The following KCND2 variants were observed in gnomAD, a reference collection of about 807,000 sequenced individuals.
KCND2 encodes the protein A-type voltage-gated potassium channel KCND2.
A neutral mutation model predicts 54.4 loss-of-function variants in KCND2; 16 were observed. That is an observed-to-expected ratio of 0.29 (90% CI 0.20 to 0.45). The LOEUF is 0.45. Ranked by LOEUF, KCND2 falls within the 20% of genes least tolerant of loss-of-function variation. KCND2 has a pLI of 1.00. For missense variants in KCND2, 486 were observed against 824.2 expected (o/e 0.59, Z 5.02); for synonymous variants, 317 against 310.7 (o/e 1.02, Z -0.21).
At chr7:120,708,011 A>G (rs1249443613) in intron 1 of KCND2, among the ~76,000 whole-genome samples, 1 of 152,106 alleles carries the variant, frequency 6.6e-6, no homozygotes, top group Admixed American at 6.6e-5. Flanking sequence ...TAAAAAAGGT[A>G]AAAAAGCTTC....
chr7:120,282,789 A>G, intron 1 of KCND2, among the ~76,000 whole-genome samples: 1 of 152,164 alleles, frequency 6.6e-6, no homozygotes. Flanking sequence ...TAACACCAGT[A>G]ACATACACTC....
Position 120,674,242 on chromosome 7 carries a change from A to G in KCND2, c.1116-58661A>G, listed in dbSNP as rs531780584. ...TCATTCTTCTCCTACAAAAGTAAAC[A>G]CAGATGACATTTGTGGATAGTCTTA... is the stretch of plus-strand genomic sequence containing the variant. On this transcript the variant is annotated intron_variant, in intron 1 of 5. Transcript: ENST00000331113. Among the ~76,000 whole-genome samples, 3 of 152,160 alleles carry G rather than the reference A, an allele frequency of 2.0e-5. No individual in the cohort carries two copies. The South Asian group carries it at 6.2e-4, about 32-fold the overall frequency.
intron 1 of KCND2, among the ~76,000 whole-genome samples, chr7:120,555,948 T>C (rs549279525): frequency 6.6e-6 from 1 of 152,326 alleles, no homozygotes; most frequent in Admixed American, 6.5e-5. Context: ...TATTTAAAAA[T>C]TATAATTTTC....
chr7:120,349,749 A>G (rs1800375427), intron 1 of KCND2, among the ~76,000 whole-genome samples: 1 of 152,164 alleles, frequency 6.6e-6, no homozygotes, highest in African/African-American at 2.4e-5. Context: ...CAAAATGTAA[A>G]AGGACTCTGG....
intron 1 of KCND2, among the ~76,000 whole-genome samples, chr7:120,449,479 A>G (rs1802071401): frequency 1.3e-5 from 2 of 152,228 alleles, no homozygotes; most frequent in Non-Finnish European, 2.9e-5. Context: ...TGTAAGACAG[A>G]GTAATCTGTT....
intron 5 of KCND2, among the ~76,000 whole-genome samples, 189 bp downstream of exon 5, chr7:120,746,216 GT>G (rs1352841420): frequency 6.6e-6 from 1 of 152,106 alleles, no homozygotes; most frequent in Non-Finnish European, 1.5e-5. Flanking sequence ...AAAAATAGTG[GT>G]TATATCAGTA....
chr7:120,585,506 C>T (rs1215451870), intron 1 of KCND2, among the ~76,000 whole-genome samples: 1 of 152,040 alleles, frequency 6.6e-6, no homozygotes, highest in African/African-American at 2.4e-5. Flanking sequence ...ACATATGGTG[C>T]TTGGACATAG....
At chr7:120,649,142 A>G (rs1445831548) in intron 1 of KCND2, among the ~76,000 whole-genome samples, 5 of 152,150 alleles carry the variant, frequency 3.3e-5, no homozygotes, top group Admixed American at 3.3e-4. Flanking sequence ...TTATTGGCAG[A>G]ATTTCAGACT....
chr7:120,273,478 G>C lies in KCND2; in HGVS notation c.-1155G>C, dbSNP rs1383863383. Among the ~76,000 whole-genome samples, 9 of 150,472 alleles carry C rather than the reference G, an allele frequency of 6.0e-5. No homozygotes were observed. The highest frequency in any genetic ancestry group is 6.0e-4 in the Admixed American group (9 of 15,114). ...GCCAGGCTCCCGCGACAGTGGCCCC[G>C]CAGTAAGTTGGCAGGAGCGAGTCCC... On this transcript the variant is annotated 5_prime_UTR_variant, in exon 1 of 6. Transcript: ENST00000331113.
At chr7:120,568,571 GA>G (rs1394745507) in intron 1 of KCND2, among the ~76,000 whole-genome samples, 98 of 152,262 alleles carry the variant, frequency 6.4e-4, no homozygotes, top group Non-Finnish European at 2.1e-4. Context: ...TCCAGCCATG[GA>G]AATATTGCTT....
intron 1 of KCND2, among the ~76,000 whole-genome samples, chr7:120,617,872 A>G (rs1793048039): frequency 6.6e-6 from 1 of 152,218 alleles, no homozygotes; most frequent in Admixed American, 6.5e-5. Context: ...AGCAACGTGG[A>G]TGCAGCTGGA....
At chr7:120,482,623 G>T (rs1043257235) in intron 1 of KCND2, among the ~76,000 whole-genome samples, 4 of 152,062 alleles carry the variant, frequency 2.6e-5, no homozygotes, top group African/African-American at 9.7e-5. Flanking sequence ...TATCTTGGGA[G>T]TGGGCCCCTC....
At chr7:120,449,599 C>A (rs1001474731) in intron 1 of KCND2, among the ~76,000 whole-genome samples, 1 of 152,098 alleles carries the variant, frequency 6.6e-6, no homozygotes, top group African/African-American at 2.4e-5. Context: ...AGTTTAATTT[C>A]ATTGTGGTAA....
At chr7:120,452,484 C>A (rs1300635941) in intron 1 of KCND2, among the ~76,000 whole-genome samples, 2 of 152,054 alleles carry the variant, frequency 1.3e-5, no homozygotes, top group Non-Finnish European at 2.9e-5. Flanking sequence ...TGGGAGTGGA[C>A]AGAGGGAGGA....
At chr7:120,702,182 A>G (rs1792410873) in intron 1 of KCND2, among the ~76,000 whole-genome samples, 1 of 152,224 alleles carries the variant, frequency 6.6e-6, no homozygotes. Context: ...CAACAAGCAT[A>G]TAAGAAAAAC....
At chr7:120,534,976 C>T (rs1428210936) in intron 1 of KCND2, among the ~76,000 whole-genome samples, 1 of 152,104 alleles carries the variant, frequency 6.6e-6, no homozygotes, top group East Asian at 1.9e-4. Context: ...ATCACTCCAG[C>T]AAAATTGTTT....
intron 1 of KCND2, among the ~76,000 whole-genome samples, chr7:120,351,408 A>ACTCTCT (rs1205455713): frequency 4.4e-5 from 4 of 90,242 alleles, no homozygotes; most frequent in Non-Finnish European, 9.6e-5. Context: ...ACACACACAC[A>ACTCTCT]CACACTCTCT....
chr7:120,652,373 C>T (rs1222619086), intron 1 of KCND2, among the ~76,000 whole-genome samples: 1 of 152,114 alleles, frequency 6.6e-6, no homozygotes, highest in Non-Finnish European at 1.5e-5. Context: ...TGCGCCTGGC[C>T]AGTGCAGTCT....
intron 1 of KCND2, among the ~76,000 whole-genome samples, chr7:120,479,818 A>AC (rs1802579285): frequency 1.4e-5 from 2 of 144,908 alleles, no homozygotes; most frequent in South Asian, 4.3e-4. Flanking sequence ...AAAAAAAAAA[A>AC]ATTAGCCTGG....
Sources: allele counts gnomAD v4.1 joint callset (sites outside exome capture counted in the v4.1 genomes callset), GRCh38; gene constraint gnomAD v4.1.1; transcripts MANE v1.5; gene names NCBI Gene and HGNC (gene_info 2026-07-23, HGNC 2026-07-21).